MTFR1: variants seen among roughly 807,000 people sequenced by gnomAD.
MTFR1 encodes the protein mitochondrial fission regulator 1.
Under a neutral mutation model 38.8 loss-of-function variants are expected in MTFR1, and 28 were observed. The ratio of observed to expected loss-of-function variants is 0.72; its 90% confidence interval spans 0.53 to 0.99. The LOEUF (loss-of-function observed/expected upper bound fraction) is 0.99. Among genes scored for constraint, MTFR1 ranks in the 50% least tolerant of loss-of-function variants. MTFR1 has a pLI of 0.00. For missense variants in MTFR1, 358 were observed against 395.5 expected (o/e 0.91, Z 0.81); for synonymous variants, 145 against 137.0 (o/e 1.06, Z -0.41).
In MTFR1 at chr8:65,706,132, G is replaced by A. The variant is rs560004181; in HGVS notation, c.518-878G>A. On this transcript the variant is annotated intron_variant, in intron 5 of 7. Coordinates refer to ENST00000262146, the MANE Select transcript of MTFR1 (RefSeq NM_014637.4). ...GTGGGTGGGGGTGGAGGCACTCTGG[G>A]CGCTGATGCTGGACTGTGCTTATGC... is the stretch of plus-strand genomic sequence containing the variant. Among the ~76,000 whole-genome samples the A allele has an allele frequency of 5.3e-5, 8 of 152,300 alleles. No homozygotes were observed. The South Asian group carries it at 1.7e-3, about 32-fold the overall frequency.
rs374195669 is a variant in MTFR1, at chr8:65,648,152, G to T, written c.-81+3368G>T. 1.1e-4 allele frequency among the ~76,000 whole-genome samples: 16 copies of T among 152,044 alleles called. No individual in the cohort carries two copies. The East Asian group carries it at 2.9e-3, about 28-fold the overall frequency. On this transcript the variant is annotated intron_variant, in intron 1 of 7. Transcript: ENST00000262146. ...CTGCCTCAGCCTCCTGAGTAGCTGG[G>T]ACTACAGGCGCCCGCCACTAAGCCC...
At chr8:65,665,123 C>T (rs1337081952) in intron 1 of MTFR1, among the ~76,000 whole-genome samples, 1 of 151,336 alleles carries the variant, frequency 6.6e-6, no homozygotes, top group African/African-American at 2.4e-5. Context: ...TTAGTAGAGA[C>T]GGGGTTTCAC....
At chr8:65,687,347 CTTT>C (rs71247404) in intron 3 of MTFR1, among the ~76,000 whole-genome samples, 26 of 115,326 alleles carry the variant, frequency 2.3e-4, no homozygotes, top group Admixed American at 4.3e-4. Context: ...TTAAAGAATA[CTTT>C]TTTTTTTTTT....
chr8:65,707,661 C>A (rs1805823900), intron 6 of MTFR1, among the ~76,000 whole-genome samples, 182 bp from the exon 7 acceptor site: 1 of 152,204 alleles, frequency 6.6e-6, no homozygotes, highest in Non-Finnish European at 1.5e-5. Flanking sequence ...TATTGGACTT[C>A]TGTGTGCTTT....
intron 2 of MTFR1, 148 bp downstream of exon 2, chr8:65,670,166 G>C: frequency 1.5e-6 from 1 of 681,474 alleles, no homozygotes; most frequent in African/African-American, 1.9e-5. Context: ...TTAAATCATA[G>C]AAGTGAATCT....
At chr8:65,740,602 T>A (rs770988279) in intron 3 of MTFR1, among the ~76,000 whole-genome samples, 1 of 151,968 alleles carries the variant, frequency 6.6e-6, no homozygotes, top group Non-Finnish European at 1.5e-5. Context: ...GGGTTTCACT[T>A]TGTTGGCCAG....
intron 1 of MTFR1, among the ~76,000 whole-genome samples, chr8:65,659,041 G>A (rs2129048640): frequency 6.6e-6 from 1 of 152,246 alleles, no homozygotes; most frequent in East Asian, 1.9e-4. Flanking sequence ...TGAATCTGTT[G>A]AAGATAAGAT....
At chr8:65,751,680 C>CG (rs1183256146) in intron 3 of MTFR1, among the ~76,000 whole-genome samples, 1 of 152,102 alleles carries the variant, frequency 6.6e-6, no homozygotes, top group Non-Finnish European at 1.5e-5. Flanking sequence ...TTAGTAGAGA[C>CG]GGGGTTTCTC....
chr8:65,731,679 TAG>T (rs936984637), intron 3 of MTFR1: 1 of 152,194 alleles, frequency 6.6e-6, no homozygotes, highest in East Asian at 1.9e-4. Context: ...AATGCATATA[TAG>T]AGAGATGAGT....
At chr8:65,667,904 A>G (rs1804435122) in intron 1 of MTFR1, among the ~76,000 whole-genome samples, 1 of 151,850 alleles carries the variant, frequency 6.6e-6, no homozygotes, top group African/African-American at 2.4e-5. Flanking sequence ...GTTTTCCCCC[A>G]CTGCTGTTCA....
At chr8:65,645,753 T>G (rs934550323) in intron 1 of MTFR1, among the ~76,000 whole-genome samples, 4 of 142,454 alleles carry the variant, frequency 2.8e-5, no homozygotes, top group Admixed American at 7.3e-5. Context: ...ATCTTTGAAC[T>G]CCTTGGCTTA....
rs992553495 is a variant in MTFR1 at position 65,645,702 on chromosome 8, C to G, written c.-81+918C>G. Among the ~76,000 whole-genome samples, 12 of 135,044 alleles carry G rather than the reference C, an allele frequency of 8.9e-5. 1 individual carries two copies. The highest frequency in any genetic ancestry group is 1.3e-4 in the Non-Finnish European group (8 of 63,122). The allele number at this position is 135,044 out of a possible 152,430, so 88.6% of individuals were successfully genotyped here. On this transcript the variant is annotated intron_variant, in intron 1 of 7. Transcript: ENST00000262146. The stretch of plus-strand genomic sequence containing the variant: ...CATCACGCCCGGCTTTCCCCCCCCC[C>G]CCCCTTTGTAGAGATGGGGTCTCCT...
chr8:65,747,584 T>C, intron 3 of MTFR1: 1 of 926,938 alleles, frequency 1.1e-6, no homozygotes, highest in Non-Finnish European at 1.6e-6. Context: ...ATCATTACTG[T>C]ATGGGGAATA....
At chr8:65,682,973 A>C in intron 3 of MTFR1, 2 of 958,364 alleles carry the variant, frequency 2.1e-6, no homozygotes, top group Non-Finnish European at 2.5e-6. Flanking sequence ...GTGAGGTGAT[A>C]GTCAAACCGT....
chr8:65,695,557 A>C (rs773541106), intron 4 of MTFR1, among the ~76,000 whole-genome samples: 1 of 152,134 alleles, frequency 6.6e-6, no homozygotes, highest in Non-Finnish European at 1.5e-5. Flanking sequence ...GGGTTTCACC[A>C]CGTTGGCCAG....
chr8:65,670,201 G>T (rs1419066808), intron 2 of MTFR1, among the ~76,000 whole-genome samples, 183 bp downstream of exon 2: 5 of 152,164 alleles, frequency 3.3e-5, no homozygotes. Flanking sequence ...AAGTAAGGAA[G>T]TAACTTTCTG....
chr8:65,711,418 A>C (rs1805941755), downstream of MTFR1, among the ~76,000 whole-genome samples: 1 of 152,188 alleles, frequency 6.6e-6, no homozygotes, highest in Non-Finnish European at 1.5e-5. Flanking sequence ...AATAAATAGA[A>C]GTTCTCTCTG....
In MTFR1 at chr8:65,644,745, C is replaced by G. The variant is rs1326779382; in HGVS notation, c.-120C>G. The stretch of plus-strand genomic sequence containing the variant: ...GCCACGGGACAGCCAAGCTAGAAGC[C>G]TGAGGAGCCGGAGAGGGTGCTGGCT... On this transcript the variant is annotated 5_prime_UTR_variant, in exon 1 of 8. Coordinates refer to ENST00000262146, the MANE Select transcript of MTFR1 (RefSeq NM_014637.4). 6.6e-6 allele frequency: 1 copy of G among 152,488 alleles called. No homozygotes were observed. Among genetic ancestry groups the G allele is most frequent in the East Asian group, 1.9e-4 (1 of 5,198 alleles). The allele number at this position is 152,488 out of a possible 1,614,324, so 9.4% of individuals were successfully genotyped here. A position where few individuals can be genotyped will look rare whatever the true frequency, so the allele number is the denominator to read the frequency against.
chr8:65,730,149 G>A (rs1806795548), intron 3 of MTFR1, among the ~76,000 whole-genome samples: 1 of 142,352 alleles, frequency 7.0e-6, no homozygotes, highest in Non-Finnish European at 1.5e-5. Context: ...CTGTGCATGT[G>A]AGGGATCCAG....
Sources: gnomAD v4.1 joint callset for allele counts (sites outside exome capture counted in the v4.1 genomes callset) on GRCh38, gnomAD v4.1.1 for gene constraint, MANE v1.5 for transcripts, NCBI Gene and HGNC (gene_info 2026-07-23, HGNC 2026-07-21) for gene names.